MYO5B: variants seen among roughly 807,000 people sequenced by gnomAD.
The protein encoded by MYO5B is myosin VB.
A neutral mutation model predicts 229.3 loss-of-function variants in MYO5B; 143 were observed. The ratio of observed to expected loss-of-function variants is 0.62; its 90% CI spans 0.54 to 0.72. The LOEUF (loss-of-function observed/expected upper bound fraction) is 0.72. MYO5B is among the 30% of genes least tolerant of loss of function. MYO5B has a pLI of 0.00. For missense variants in MYO5B, 2,321 were observed against 2,331.0 expected, an observed-to-expected ratio of 1.00 and a Z score of 0.09; for synonymous variants, 918 against 885.2, an observed-to-expected ratio of 1.04 and a Z score of -0.66.
At chr18:49,887,022 G>T (rs374545889) in intron 22 of MYO5B, among the ~76,000 whole-genome samples, 8 of 152,278 alleles carry the variant, frequency 5.3e-5, no homozygotes, top group African/African-American at 1.9e-4. Flanking sequence ...CTGGTGAGAG[G>T]TGACTGGGTC....
At position 50,048,386 on chromosome 18, in the gene MYO5B, A is replaced by C. The variant is rs567252437; in HGVS notation, c.138+6882T>G. On this transcript the variant is annotated intron_variant, in intron 2 of 39. Transcript: ENST00000285039. Reference sequence around the variant, plus strand: ...TTAACCCTGAAACTTCAGTGGCTTAATACTGCAAAGGTTTATTTCTCATTT... The same window carrying C: ...TTAACCCTGAAACTTCAGTGGCTTACTACTGCAAAGGTTTATTTCTCATTT... Among the ~76,000 whole-genome samples the C allele has an allele frequency of 9.8e-5, 15 of 152,342 alleles. No homozygotes were observed. In the South Asian group the frequency reaches 2.5e-3, roughly 25 times the overall value.
chr18:50,163,045 A>G (rs1355068376), intron 1 of MYO5B, among the ~76,000 whole-genome samples: 1 of 152,216 alleles, frequency 6.6e-6, no homozygotes, highest in East Asian at 1.9e-4. Flanking sequence ...TGTAGCTAAT[A>G]ACAAAAATGA....
intron 39 of MYO5B, among the ~76,000 whole-genome samples, chr18:49,833,947 G>A (rs1009684160): frequency 6.6e-6 from 1 of 152,122 alleles, no homozygotes; most frequent in African/African-American, 2.4e-5. Flanking sequence ...TTTAACAATC[G>A]ACTGTGTTTC....
In MYO5B at chr18:49,869,713, G is replaced by C. The variant is rs138363206; in HGVS notation, c.3603+2454C>G. ...GGGAGGCAGTTTCATGCGTAGGGTA[G>C]TACAGTGGTTCTCAGACTTGAGTGG... On this transcript the variant is annotated intron_variant, in intron 27 of 39. Transcript: ENST00000285039. Among the ~76,000 whole-genome samples the C allele has an allele frequency of 3.8e-3, 585 of 152,244 alleles. 1 individual carries two copies. Among genetic ancestry groups the C allele is most frequent in the African/African-American group, 0.013 (541 of 41,538 alleles).
intron 1 of MYO5B, among the ~76,000 whole-genome samples, chr18:50,106,138 C>T (rs1182011063): frequency 6.6e-6 from 1 of 152,052 alleles, no homozygotes; most frequent in African/African-American, 2.4e-5. Flanking sequence ...ACATTGTCTT[C>T]ACTTCCCCTC....
intron 17 of MYO5B, 87 bp downstream of exon 17, chr18:49,929,425 C>T (rs771169902): frequency 4.6e-5 from 49 of 1,072,242 alleles, no homozygotes; most frequent in Middle Eastern, 2.9e-4. Flanking sequence ...TGTTTCTGGC[C>T]GACGGTACAC....
chr18:49,894,421 T>C (rs184079481), intron 22 of MYO5B, among the ~76,000 whole-genome samples: 2 of 152,228 alleles, frequency 1.3e-5, no homozygotes, highest in African/African-American at 4.8e-5. Context: ...ATGCTCAGGT[T>C]TGGGGCAAAG....
intron 1 of MYO5B, among the ~76,000 whole-genome samples, chr18:50,152,688 C>A (rs572563626): frequency 1.3e-3 from 196 of 152,188 alleles, no homozygotes; most frequent in African/African-American, 4.4e-3. Flanking sequence ...AAGAAACCTG[C>A]CTAATGTACT....
chr18:50,085,478 T>C (rs1274120438), intron 1 of MYO5B, among the ~76,000 whole-genome samples: 1 of 152,028 alleles, frequency 6.6e-6, no homozygotes, highest in Non-Finnish European at 1.5e-5. Flanking sequence ...GACTGTAAAC[T>C]AGTTCAACCA....
chr18:49,941,130 C>G (rs552589040), intron 14 of MYO5B, among the ~76,000 whole-genome samples: 1 of 152,190 alleles, frequency 6.6e-6, no homozygotes, highest in Non-Finnish European at 1.5e-5. Flanking sequence ...GGAATCAACA[C>G]GTGTCAGTTT....
chr18:49,925,637 T>C (rs905918514), intron 17 of MYO5B, among the ~76,000 whole-genome samples: 2 of 152,206 alleles, frequency 1.3e-5, no homozygotes, highest in African/African-American at 4.8e-5. Flanking sequence ...TCTGTAGGTA[T>C]GTCCTCTCCT....
intron 1 of MYO5B, among the ~76,000 whole-genome samples, chr18:50,101,825 G>A (rs1345980064): frequency 1.3e-5 from 2 of 152,166 alleles, no homozygotes; most frequent in African/African-American, 4.8e-5. Context: ...AGAAAGTGTG[G>A]CAATTCCTCA....
At chr18:49,907,117 C>G (rs2024908503) in intron 18 of MYO5B, among the ~76,000 whole-genome samples, 1 of 152,058 alleles carries the variant, frequency 6.6e-6, no homozygotes, top group Non-Finnish European at 1.5e-5. Context: ...AGTGGTGCAA[C>G]TGCTGGGTAT....
At chr18:50,002,486 G>A (rs970693577) in intron 4 of MYO5B, among the ~76,000 whole-genome samples, 10 of 152,162 alleles carry the variant, frequency 6.6e-5, no homozygotes, top group African/African-American at 2.4e-4. Context: ...CATAGAAGCT[G>A]GTGGAAGGAG....
intron 1 of MYO5B, among the ~76,000 whole-genome samples, chr18:50,100,685 T>TC (rs1415784780): frequency 2.0e-5 from 3 of 152,204 alleles, no homozygotes; most frequent in African/African-American, 7.2e-5. Context: ...TGCATGCATC[T>TC]CCCCTCTCTT....
rs765524434 is a variant in MYO5B at position 49,936,404 on chromosome 18, T to C, written c.1906-55A>G. On this transcript the variant is annotated intron_variant, in intron 15 of 39. Coordinates refer to ENST00000285039, the MANE Select transcript of MYO5B (RefSeq NM_001080467.3). ...GTTTTAACAAGTCGTGGATGTGTGA[T>C]AAAGAAAAACTCATATATGGGTGGC... 7.6e-6 allele frequency: 10 copies of C among 1,319,864 alleles called. No individual in the cohort carries two copies. The South Asian group carries it at 1.1e-4, about 15-fold the overall frequency. 81.8% of individuals were successfully genotyped at this position (1,319,864 alleles called of 1,614,324 possible). A position where few individuals can be genotyped will look rare whatever the true frequency, so the allele number is the denominator to read the frequency against.
chr18:50,189,200 G>T (rs2033194817), intron 1 of MYO5B, among the ~76,000 whole-genome samples: 1 of 152,132 alleles, frequency 6.6e-6, no homozygotes, highest in South Asian at 2.1e-4. Flanking sequence ...GTTAACTTGG[G>T]CTCCTAGAAT....
chr18:50,194,191 G>A (rs558661468), intron 1 of MYO5B, among the ~76,000 whole-genome samples: 79 of 152,304 alleles, frequency 5.2e-4, no homozygotes, highest in African/African-American at 1.8e-3. Flanking sequence ...CCATCCAGCC[G>A]CCGCGCCCTC....
chr18:49,936,728 G>A (rs568562531), intron 15 of MYO5B, among the ~76,000 whole-genome samples: 13 of 152,208 alleles, frequency 8.5e-5, no homozygotes, highest in Admixed American at 2.0e-4. Flanking sequence ...TCCGATGCCT[G>A]GGTATCCTGG....
Sources: gnomAD v4.1 joint callset for allele counts (sites outside exome capture counted in the v4.1 genomes callset) on GRCh38, gnomAD v4.1.1 for gene constraint, MANE v1.5 for transcripts, NCBI Gene and HGNC (gene_info 2026-07-23, HGNC 2026-07-21) for gene names.